The following DRC11 variants were observed in gnomAD, a reference collection of about 807,000 sequenced individuals.
DRC11 encodes the protein IQ and AAA domain-containing protein 1.
the DRC11 span, chr2:236,324,341 A>G: frequency 8.3e-6 from 2 of 240,472 alleles, no homozygotes; most frequent in East Asian, 9.7e-5. The surrounding 1 kb of genome is among the most constrained non-coding windows in gnomAD (Gnocchi z 5.7). Context: ...AAATTTGACA[A>G]CTAGTACTGA....
chr2:236,367,195 G>A, the DRC11 span, among the ~76,000 whole-genome samples: 1 of 149,552 alleles, frequency 6.7e-6, no homozygotes, highest in Non-Finnish European at 1.5e-5. The surrounding 1 kb of genome is among the most constrained non-coding windows in gnomAD (Gnocchi z 4.8). Flanking sequence ...TATTTCCATT[G>A]ACACTTATAC....
At chr2:236,459,759 A>T in the DRC11 span, among the ~76,000 whole-genome samples, 1 of 151,142 alleles carries the variant, frequency 6.6e-6, no homozygotes, top group East Asian at 1.9e-4. Context: ...ATTTCATGGT[A>T]GCTATCTCTA....
At chr2:236,364,597 C>CCT in the DRC11 span, among the ~76,000 whole-genome samples, 27,751 of 151,930 alleles carry the variant, frequency 0.18, 2,767 homozygotes, top group Non-Finnish European at 0.23. Flanking sequence ...AGGTTCATGC[C>CCT]GTGTTCTCCA....
the DRC11 span, among the ~76,000 whole-genome samples, chr2:236,381,587 C>G: frequency 2.6e-5 from 4 of 152,264 alleles, no homozygotes; most frequent in African/African-American, 9.6e-5. The surrounding 1 kb of genome is among the most constrained non-coding windows in gnomAD (Gnocchi z 5.8). Context: ...TCACCTTTCT[C>G]TGTTGGCATC....
chr2:236,475,531 G>A, the DRC11 span, among the ~76,000 whole-genome samples: 2 of 152,102 alleles, frequency 1.3e-5, no homozygotes. This position sits in a 1 kb window ranked among gnomAD's most constrained non-coding sequence, Gnocchi z 4.8. Flanking sequence ...TATTAGGTTG[G>A]TGCAAAAGTA....
chr2:236,313,026 A>G, the DRC11 span, among the ~76,000 whole-genome samples: 2 of 152,142 alleles, frequency 1.3e-5, no homozygotes, highest in Non-Finnish European at 2.9e-5. This position sits in a 1 kb window ranked among gnomAD's most constrained non-coding sequence, Gnocchi z 4.5. Context: ...ATAGTCTTAA[A>G]TGCATTAAGA....
chr2:236,311,575 G>A, the DRC11 span, among the ~76,000 whole-genome samples: 42 of 152,188 alleles, frequency 2.8e-4, no homozygotes, highest in African/African-American at 1.0e-3. The surrounding 1 kb of genome is among the most constrained non-coding windows in gnomAD (Gnocchi z 6.9). Flanking sequence ...TACTGTGGTA[G>A]CAGAGGGTGG....
the DRC11 span, among the ~76,000 whole-genome samples, chr2:236,321,133 A>C: frequency 6.6e-6 from 1 of 152,194 alleles, no homozygotes; most frequent in Non-Finnish European, 1.5e-5. Flanking sequence ...TTTCCATTCT[A>C]GGAGTTAATC....
the DRC11 span, among the ~76,000 whole-genome samples, chr2:236,326,028 C>T: frequency 2.6e-5 from 4 of 152,134 alleles, no homozygotes; most frequent in Non-Finnish European, 1.5e-5. Flanking sequence ...CTTCTGGCAC[C>T]TATGGTTGTT....
chr2:236,381,361 C>T, the DRC11 span, among the ~76,000 whole-genome samples: 2 of 150,624 alleles, frequency 1.3e-5, no homozygotes, highest in Non-Finnish European at 2.9e-5. This position sits in a 1 kb window ranked among gnomAD's most constrained non-coding sequence, Gnocchi z 5.8. Flanking sequence ...CAGTCCCAAT[C>T]GCCTTTCACA....
the DRC11 span, among the ~76,000 whole-genome samples, chr2:236,437,783 G>A: frequency 6.6e-6 from 1 of 152,098 alleles, no homozygotes; most frequent in African/African-American, 2.4e-5. Context: ...ACTTTTTGAT[G>A]GGGTCGTTTG....
the DRC11 span, among the ~76,000 whole-genome samples, chr2:236,434,990 C>T: frequency 6.6e-6 from 1 of 152,126 alleles, no homozygotes; most frequent in Non-Finnish European, 1.5e-5. The surrounding 1 kb of genome is among the most constrained non-coding windows in gnomAD (Gnocchi z 5.5). Flanking sequence ...ATTTGGTGCT[C>T]ATGGAATTCA....
At chr2:236,314,328 C>A in the DRC11 span, among the ~76,000 whole-genome samples, 1 of 152,284 alleles carries the variant, frequency 6.6e-6, no homozygotes, top group East Asian at 1.9e-4. The surrounding 1 kb of genome is among the most constrained non-coding windows in gnomAD (Gnocchi z 4.5). Flanking sequence ...ATTCTTAGCA[C>A]ACGAAATGTG....
At chr2:236,456,797 C>T in the DRC11 span, among the ~76,000 whole-genome samples, 1 of 152,184 alleles carries the variant, frequency 6.6e-6, no homozygotes, top group Admixed American at 6.5e-5. The surrounding 1 kb of genome is among the most constrained non-coding windows in gnomAD (Gnocchi z 5.4). Context: ...AATTAAGTAA[C>T]AAGCGTAGGT....
At chr2:236,422,313 G>C in the DRC11 span, among the ~76,000 whole-genome samples, 1 of 152,140 alleles carries the variant, frequency 6.6e-6, no homozygotes, top group African/African-American at 2.4e-5. Flanking sequence ...AAACCCCATC[G>C]TCTCAGCCCA....
At chr2:236,466,731 G>C in the DRC11 span, among the ~76,000 whole-genome samples, 1 of 152,180 alleles carries the variant, frequency 6.6e-6, no homozygotes, top group African/African-American at 2.4e-5. Flanking sequence ...CCATTCATGA[G>C]AGATCTGCCC....
chr2:236,313,195 G>T, the DRC11 span, among the ~76,000 whole-genome samples: 2 of 152,060 alleles, frequency 1.3e-5, no homozygotes, highest in Non-Finnish European at 2.9e-5. The surrounding 1 kb of genome is among the most constrained non-coding windows in gnomAD (Gnocchi z 4.5). Context: ...ACCTAACAAA[G>T]ATATTACAAG....
At chr2:236,444,771 A>C in the DRC11 span, among the ~76,000 whole-genome samples, 1 of 152,330 alleles carries the variant, frequency 6.6e-6, no homozygotes, top group African/African-American at 2.4e-5. Flanking sequence ...CCATCCATCA[A>C]ACCTTTCATT....
the DRC11 span, among the ~76,000 whole-genome samples, chr2:236,498,822 T>C: frequency 2.6e-5 from 4 of 152,182 alleles, no homozygotes; most frequent in Non-Finnish European, 5.9e-5. Flanking sequence ...AATACCTTCA[T>C]GGTAGAGATT....
Sources: gnomAD v4.1 joint callset for allele counts (sites outside exome capture counted in the v4.1 genomes callset) on GRCh38, gnomAD v4.1.1 for gene constraint, Gnocchi (gnomAD v3.1) non-coding constraint, MANE v1.5 for transcripts, NCBI Gene and HGNC (gene_info 2026-07-23, HGNC 2026-07-21) for gene names.